LRRC34: variants seen among roughly 807,000 people sequenced by gnomAD.
LRRC34 encodes the protein leucine rich repeat containing 34.
LRRC34 carries 44 observed loss-of-function variants against 48.5 expected under a neutral mutation model. The observed-to-expected ratio is 0.91, with a 90% CI of 0.71 to 1.17. LRRC34 has a LOEUF of 1.17. LRRC34 is among the 50% of genes most tolerant of loss of function. The pLI, the probability that LRRC34 is intolerant of heterozygous loss-of-function variation, is 0.00. For synonymous variants in LRRC34, 192 were observed against 197.6 expected, an observed-to-expected ratio of 0.97 and a Z score of 0.24; for missense variants, 502 against 563.0, an observed-to-expected ratio of 0.89 and a Z score of 1.10.
chr3:169,801,743 A>G (rs1779199139), intron 6 of LRRC34, among the ~76,000 whole-genome samples: 1 of 152,088 alleles, frequency 6.6e-6, no homozygotes, highest in Non-Finnish European at 1.5e-5. Flanking sequence ...TTGCTATTTT[A>G]TTATTCATGT....
chr3:169,793,688 C>G lies in LRRC34; in HGVS notation c.1342G>C (p.Asp448His), dbSNP rs760066049. 2 of 1,613,808 alleles carry G rather than the reference C, an allele frequency of 1.2e-6. No homozygotes were observed. The highest frequency in any genetic ancestry group is 2.2e-5 in the South Asian group (2 of 91,062). The change falls in exon 11 of 11, where the codon GAC becomes CAC. Residue 448 changes from aspartate (D) to histidine (H), a missense_variant. Transcript: ENST00000446859. ...GCAAAACCTGCATTAGATGAGTGGT[C>G]ATAAGATTCTCCATAAGTTGATGTC... ...YWTSTYGESY[D>H]HSSNAGFALV...
chr3:169,796,467 G>T, intron 8 of LRRC34, 98 bp from the exon 9 acceptor site: 1 of 1,346,924 alleles, frequency 7.4e-7, no homozygotes, highest in Non-Finnish European at 1.0e-6. Flanking sequence ...TTCTGTTTTA[G>T]TAAAGGTTTA....
chr3:169,807,371 G>C, intron 4 of LRRC34, 55 bp downstream of exon 4: 1 of 1,486,020 alleles, frequency 6.7e-7, no homozygotes, highest in Non-Finnish European at 9.4e-7. Flanking sequence ...TGTGTCATTA[G>C]ACTAATTGGT....
Position 169,793,711 on chromosome 3 carries a change from G to A in LRRC34, c.1319C>T (p.Thr440Ile). 6.2e-7 allele frequency: 1 copy of A among 1,613,698 alleles called. No homozygotes were observed. Among genetic ancestry groups the A allele is most frequent in the Non-Finnish European group, 8.5e-7 (1 of 1,179,746 alleles). Residue 440 changes from threonine to isoleucine, a missense_variant, in exon 11 of 11, where the codon ACA becomes ATA. Physicochemically the swap from Thr to Ile is moderately conservative, Grantham distance 89. Coordinates refer to ENST00000446859, the MANE Select transcript of LRRC34 (RefSeq NM_001172779.2). The part of the protein sequence containing the change: ...SNGLKKHYYW[T>I]STYGESYDHS... ...GTCATAAGATTCTCCATAAGTTGAT[G>A]TCCAATAATAATGCTTTTTAAGGCC...
intron 7 of LRRC34, among the ~76,000 whole-genome samples, chr3:169,798,838 C>A (rs1779087393): frequency 6.6e-6 from 1 of 152,150 alleles, no homozygotes; most frequent in African/African-American, 2.4e-5. Context: ...TGATTACCCT[C>A]CTTATGTCCC....
Position 169,804,058 on chromosome 3 carries a change from C to A in LRRC34, c.652G>T (p.Asp218Tyr). ...CTCATAACCAGTTTACTCACCAGAT[C>A]ACAGTCACCCAGATCTAATTTCTCT... is the stretch of plus-strand genomic sequence containing the variant. Reference protein sequence around the residue: ...SLEKLDLGDCDLGMQSVIAFA... With the variant: ...SLEKLDLGDCYLGMQSVIAFA... Residue 218 changes from aspartate (D) to tyrosine (Y), a missense_variant, in exon 6 of 11, where the codon GAT (aspartate) becomes TAT (tyrosine). By Grantham distance (160) the Asp-to-Tyr change is radical. Coordinates refer to ENST00000446859, the MANE Select transcript of LRRC34 (RefSeq NM_001172779.2). 6.3e-7 allele frequency: 1 copy of A among 1,579,888 alleles called. No individual in the cohort carries two copies.
chr3:169,806,566 T>C (rs1779382691), intron 5 of LRRC34, among the ~76,000 whole-genome samples: 2 of 151,656 alleles, frequency 1.3e-5, no homozygotes, highest in South Asian at 4.2e-4. Flanking sequence ...AAAATAGTGA[T>C]AGTAGTGATA....
In LRRC34 at chr3:169,804,172, T is replaced by C. The variant is rs750384774; in HGVS notation, c.538A>G (p.Thr180Ala). ...CCAGTCATTCTTAGGTATTTCAGAG[T>C]CCGATTCTTCTGAAAAGGAAAAAAA... ...LIAKVLHKNR[T>A]LKYLRMTGNK... The change falls in exon 6 of 11, where the codon ACT becomes GCT. Residue 180 changes from threonine to alanine, a missense_variant. Coordinates refer to ENST00000446859, the MANE Select transcript of LRRC34 (RefSeq NM_001172779.2). 3.8e-6 allele frequency: 6 copies of C among 1,578,124 alleles called. No individual in the cohort carries two copies. The highest frequency in any genetic ancestry group is 2.6e-6 in the Non-Finnish European group (3 of 1,163,946).
At chr3:169,799,738 A>G (rs1478421999) in intron 7 of LRRC34, among the ~76,000 whole-genome samples, 1 of 152,122 alleles carries the variant, frequency 6.6e-6, no homozygotes, top group African/African-American at 2.4e-5. Context: ...ATGAAGATGA[A>G]GTCTCGCTCT....
chr3:169,806,410 A>G (rs1779375217), intron 5 of LRRC34, among the ~76,000 whole-genome samples: 1 of 152,244 alleles, frequency 6.6e-6, no homozygotes, highest in Non-Finnish European at 1.5e-5. Context: ...GATTCTGTTT[A>G]TATGAAATGT....
At position 169,807,406 on chromosome 3, in the gene LRRC34, A is replaced by G. The variant is rs768654274; in HGVS notation, c.444+20T>C. The G allele has an allele frequency of 6.2e-7, 1 of 1,608,214 alleles. No homozygotes were observed. Among genetic ancestry groups the G allele is most frequent in the Non-Finnish European group, 8.5e-7 (1 of 1,174,748 alleles). ...TTTCATTGTAAATGGAACTAAGGAC[A>G]TTTTGTAGTAAAATAATACCTGAAG... On this transcript the variant is annotated intron_variant, in intron 4 of 10. Coordinates refer to ENST00000446859, the MANE Select transcript of LRRC34 (RefSeq NM_001172779.2).
intron 7 of LRRC34, among the ~76,000 whole-genome samples, chr3:169,798,052 T>C (rs1464064089): frequency 6.6e-6 from 1 of 152,212 alleles, no homozygotes; most frequent in East Asian, 1.9e-4. Context: ...CTATGTAGAC[T>C]AGGATCTTTA....
intron 7 of LRRC34, among the ~76,000 whole-genome samples, chr3:169,797,378 T>C (rs1168386208): frequency 1.3e-5 from 2 of 152,178 alleles, no homozygotes; most frequent in Non-Finnish European, 2.9e-5. Context: ...AATACACTCA[T>C]TAACCCTGTG....
At chr3:169,805,302 T>C (rs1779332705) in intron 5 of LRRC34, among the ~76,000 whole-genome samples, 1 of 152,150 alleles carries the variant, frequency 6.6e-6, no homozygotes, top group African/African-American at 2.4e-5. Flanking sequence ...TTCAGCAACA[T>C]AGCAGGACAC....
Position 169,804,057 on chromosome 3 carries a change from TCA to T in LRRC34, c.651_652del (p.Cys217Ter), listed in dbSNP as rs745894123. 2.5e-6 allele frequency: 4 copies of T among 1,581,926 alleles called. No homozygotes were observed. Among genetic ancestry groups the T allele is most frequent in the African/African-American group, 1.4e-5 (1 of 73,666 alleles). ...TCTCATAACCAGTTTACTCACCAGATCACAGTCACCCAGATCTAATTTCTCTA... is the reference window on the plus strand; with the variant it reads ...TCTCATAACCAGTTTACTCACCAGATCAGTCACCCAGATCTAATTTCTCTA... On this transcript the variant is annotated stop_gained and frameshift_variant, in exon 6 of 11. Transcript: ENST00000446859. LOFTEE classifies it high-confidence loss of function.
At chr3:169,804,204 TTAA>T (rs1442153590) in intron 5 of LRRC34, 23 bp from the exon 6 acceptor site, 1 of 1,530,636 alleles carries the variant, frequency 6.5e-7, no homozygotes, top group South Asian at 1.2e-5. Flanking sequence ...AAAAACTTAT[TTAA>T]TAATTGTTAA....
chr3:169,804,219 C>A, intron 5 of LRRC34, 38 bp from the exon 6 acceptor site: 1 of 1,504,162 alleles, frequency 6.6e-7, no homozygotes, highest in South Asian at 1.3e-5. Flanking sequence ...AATTGTTAAT[C>A]CACAGAATTC....
At chr3:169,799,376 G>C (rs1779108277) in intron 7 of LRRC34, among the ~76,000 whole-genome samples, 1 of 152,198 alleles carries the variant, frequency 6.6e-6, no homozygotes. Flanking sequence ...GAGTTTGGCT[G>C]GGCATGGTAG....
intron 8 of LRRC34, 109 bp downstream of exon 8, chr3:169,796,636 C>G: frequency 1.7e-6 from 2 of 1,195,450 alleles, no homozygotes; most frequent in Non-Finnish European, 2.3e-6. Context: ...GTTGCAGTTT[C>G]TAATCATTGG....
Sources: gnomAD v4.1 joint callset for allele counts (sites outside exome capture counted in the v4.1 genomes callset) on GRCh38, gnomAD v4.1.1 for gene constraint, MANE v1.5 for transcripts, NCBI Gene and HGNC (gene_info 2026-07-23, HGNC 2026-07-21) for gene names.